The following CCNT2 variants were observed in gnomAD, a reference collection of about 807,000 sequenced individuals.
CCNT2 encodes the protein cyclin T2.
CCNT2 carries 18 observed loss-of-function variants against 70.0 expected under a neutral mutation model. The ratio of observed to expected loss-of-function variants is 0.26; its 90% CI spans 0.18 to 0.38. The LOEUF (loss-of-function observed/expected upper bound fraction) is 0.38, where lower values mean the gene tolerates loss of function less well. CCNT2 is among the 10% of genes least tolerant of loss of function. CCNT2 has a pLI of 1.00. For synonymous variants in CCNT2, 334 were observed against 313.3 expected (o/e 1.07, Z -0.70); for missense variants, 734 against 890.2 (o/e 0.82, Z 2.23).
At chr2:134,936,216 T>G (rs1681143545) in intron 2 of CCNT2, among the ~76,000 whole-genome samples, 1 of 151,890 alleles carries the variant, frequency 6.6e-6, no homozygotes, top group Non-Finnish European at 1.5e-5. Flanking sequence ...CTCCACAATG[T>G]GCAAATTAAT....
intron 1 of CCNT2, among the ~76,000 whole-genome samples, 170 bp from the exon 2 acceptor site, chr2:134,919,640 T>C (rs771953130): frequency 9.2e-5 from 14 of 152,198 alleles, no homozygotes; most frequent in Non-Finnish European, 1.5e-4. Context: ...GCGTCAAGCC[T>C]ATTCTCTTCC....
chr2:134,954,505 C>G lies in CCNT2; in HGVS notation c.2050C>G (p.Leu684Val). The change falls in exon 9 of 9, where the codon CTC becomes GTC. Residue 684 changes from leucine (L) to valine (V), a missense_variant. Leu to Val is a conservative substitution (Grantham distance 32). This residue lies in a region of CCNT2 where 532 missense variants were observed against 556.9 expected (regional missense o/e 0.96). Transcript: ENST00000264157. ...GGTGGGCTACGGACATCTCAGCACC[C>G]TCGTGAAACTGGACAAGAAGCCAGT... ...YQVGYGHLST[L>V]VKLDKKPVET... 3.1e-6 allele frequency: 5 copies of G among 1,614,160 alleles called. No individual in the cohort carries two copies. In the Middle Eastern group the frequency reaches 4.9e-4, roughly 160 times the overall value.
intron 2 of CCNT2, among the ~76,000 whole-genome samples, chr2:134,936,046 T>G (rs751243753): frequency 6.6e-6 from 1 of 152,014 alleles, no homozygotes; most frequent in Non-Finnish European, 1.5e-5. Flanking sequence ...GTGGTAGTTA[T>G]AGCCACACAA....
At chr2:134,934,812 T>TC (rs1681032196) in intron 2 of CCNT2, among the ~76,000 whole-genome samples, 1 of 152,364 alleles carries the variant, frequency 6.6e-6, no homozygotes, top group African/African-American at 2.4e-5. Flanking sequence ...GTTTAAGTAC[T>TC]AAATTCGGTC....
Position 134,919,911 on chromosome 2 carries a change from T to G in CCNT2, c.240+20T>G, listed in dbSNP as rs1230570269. The G allele has an allele frequency of 2.1e-6, 3 of 1,462,364 alleles. No individual in the cohort carries two copies. Among genetic ancestry groups the G allele is most frequent in the Non-Finnish European group, 2.8e-6 (3 of 1,064,898 alleles). 90.6% of individuals were successfully genotyped at this position (1,462,364 alleles called of 1,614,324 possible). On this transcript the variant is annotated intron_variant, in intron 2 of 8. Transcript: ENST00000264157. ...AAAAATGTAAGTACTAGTTGTCTGT[T>G]TTTACTGTCCGCAAATTTGAGGGTA...
chr2:134,949,672 A>G (rs1440602223), intron 7 of CCNT2, among the ~76,000 whole-genome samples: 3 of 152,200 alleles, frequency 2.0e-5, no homozygotes, highest in African/African-American at 7.2e-5. Flanking sequence ...GAAGTCTTCA[A>G]TGAGTTGAAA....
rs987525459 is a variant in CCNT2 at position 134,957,592 on chromosome 2, AG to A, written c.*2947del. ...ATAGGTATTTTCAGAACCAAAGCAA[AG>A]GGTGGTTTGTTCACTGAAACATTCT... On this transcript the variant is annotated 3_prime_UTR_variant, in exon 9 of 9. Transcript: ENST00000264157. 21 of 99,872 alleles carry A rather than the reference AG, an allele frequency of 2.1e-4. No homozygotes were observed. Among genetic ancestry groups the A allele is most frequent in the African/African-American group, 8.6e-4 (21 of 24,322 alleles). The allele number at this position is 99,872 out of a possible 1,614,324, so 6.2% of individuals were successfully genotyped here. A position where few individuals can be genotyped will look rare whatever the true frequency, so the allele number is the denominator to read the frequency against.
Position 134,953,544 on chromosome 2 carries a change from A to G in CCNT2, c.1089A>G (p.Leu363=), listed in dbSNP as rs768519724. 6.8e-6 allele frequency: 11 copies of G among 1,614,224 alleles called. No individual in the cohort carries two copies. The highest frequency in any genetic ancestry group is 7.6e-6 in the Non-Finnish European group (9 of 1,180,032). Residue 363 remains leucine, a synonymous_variant, in exon 9 of 9, where the codon CTA becomes CTG. Coordinates refer to ENST00000264157, the MANE Select transcript of CCNT2 (RefSeq NM_058241.3). ...AAGACTCAGCAAGGACAGAACAGCTATATTCACAGAAACAGGAGACATCTT... is the reference window on the plus strand; with the variant it reads ...AAGACTCAGCAAGGACAGAACAGCTGTATTCACAGAAACAGGAGACATCTT... ...QHQDSARTEQ[L]YSQKQETSLS...
At chr2:134,932,323 C>T (rs1286075100) in intron 2 of CCNT2, among the ~76,000 whole-genome samples, 1 of 152,110 alleles carries the variant, frequency 6.6e-6, no homozygotes, top group Non-Finnish European at 1.5e-5. Flanking sequence ...TTTTTAGAAA[C>T]ATTCATAATG....
At chr2:134,952,097 A>G (rs930607514) in intron 7 of CCNT2, among the ~76,000 whole-genome samples, 1 of 152,218 alleles carries the variant, frequency 6.6e-6, no homozygotes, top group African/African-American at 2.4e-5. Flanking sequence ...GGTGCATCAT[A>G]TCAAGGGGTA....
At chr2:134,929,772 C>T (rs1406576595) in intron 2 of CCNT2, among the ~76,000 whole-genome samples, 2 of 151,338 alleles carry the variant, frequency 1.3e-5, no homozygotes, top group African/African-American at 2.4e-5. Context: ...GCCTCACCCT[C>T]CCTGAGTAGC....
chr2:134,950,629 C>T (rs1176098450), intron 7 of CCNT2, among the ~76,000 whole-genome samples: 3 of 152,006 alleles, frequency 2.0e-5, no homozygotes, highest in African/African-American at 7.3e-5. Context: ...AGAGGAAACC[C>T]TGTCTGGGGG....
Position 134,947,869 on chromosome 2 carries a change from G to T in CCNT2, c.673G>T (p.Asp225Tyr). Residue 225 changes from aspartate to tyrosine, a missense_variant, in exon 7 of 9, where the codon GAT (aspartate) becomes TAT (tyrosine). Coordinates refer to ENST00000264157, the MANE Select transcript of CCNT2 (RefSeq NM_058241.3). The stretch of plus-strand genomic sequence containing the variant: ...TGGAAAGCATTGGTGGGAATATGTG[G>T]ATCCTACAGTTACTCTAGAATTATT... The part of the protein sequence containing the change: ...TDGKHWWEYV[D>Y]PTVTLELLDE... 6.6e-7 allele frequency: 1 copy of T among 1,526,132 alleles called. No homozygotes were observed. Among genetic ancestry groups the T allele is most frequent in the Non-Finnish European group, 8.9e-7 (1 of 1,120,558 alleles). The allele number at this position is 1,526,132 out of a possible 1,614,324, so 94.5% of individuals were successfully genotyped here. A position where few individuals can be genotyped will look rare whatever the true frequency, so the allele number is the denominator to read the frequency against.
chr2:134,945,023 G>T, intron 5 of CCNT2: 4 of 985,402 alleles, frequency 4.1e-6, no homozygotes, highest in Non-Finnish European at 4.8e-6. Flanking sequence ...ATTGGCTAAT[G>T]TCATTTTACA....
intron 2 of CCNT2, among the ~76,000 whole-genome samples, chr2:134,922,490 C>T (rs1017218679): frequency 6.6e-6 from 1 of 152,124 alleles, no homozygotes; most frequent in African/African-American, 2.4e-5. Context: ...TCATTGAGTT[C>T]TTTTGTCAGT....
intron 2 of CCNT2, among the ~76,000 whole-genome samples, chr2:134,930,359 G>A (rs1345442139): frequency 6.6e-6 from 1 of 152,176 alleles, no homozygotes; most frequent in African/African-American, 2.4e-5. Flanking sequence ...TCATGTGGCT[G>A]TACCTCTTTT....
chr2:134,922,691 G>T (rs1013027322), intron 2 of CCNT2, among the ~76,000 whole-genome samples: 33 of 152,108 alleles, frequency 2.2e-4, no homozygotes, highest in African/African-American at 8.0e-4. Context: ...TGATGCCAAG[G>T]TATATACTGA....
intron 7 of CCNT2, among the ~76,000 whole-genome samples, chr2:134,949,811 GGT>G (rs1682324065): frequency 7.6e-6 from 1 of 130,794 alleles, no homozygotes; most frequent in Non-Finnish European, 1.6e-5. Context: ...TCGGGGGGGG[GGT>G]GGGGGACAGA....
intron 7 of CCNT2, among the ~76,000 whole-genome samples, chr2:134,950,937 C>T (rs1682453989): frequency 6.6e-6 from 1 of 152,026 alleles, no homozygotes; most frequent in Admixed American, 6.5e-5. Context: ...AGATTTTGGA[C>T]CAGAACTTGA....
Sources: gnomAD v4.1 joint callset for allele counts (sites outside exome capture counted in the v4.1 genomes callset) on GRCh38, gnomAD v4.1.1 for gene constraint, gnomAD v4.1.1 regional missense constraint, MANE v1.5 for transcripts, NCBI Gene and HGNC (gene_info 2026-07-23, HGNC 2026-07-21) for gene names.